Variants in CELF2 observed in about 807,000 individuals in gnomAD.
CELF2 encodes CUGBP Elav-like family member 2.
In CELF2, 8 loss-of-function variants were observed where a neutral mutation model predicts 62.6. That is an observed-to-expected ratio of 0.13 (90% CI 0.07 to 0.23). CELF2 has a LOEUF of 0.23. Among genes scored for constraint, CELF2 ranks in the 10% least tolerant of loss-of-function variants. CELF2 has a pLI of 1.00. For missense variants in CELF2, 333 were observed against 671.0 expected, an observed-to-expected ratio of 0.50 and a Z score of 5.56; for synonymous variants, 258 against 250.0, an observed-to-expected ratio of 1.03 and a Z score of -0.30.
the CELF2 span, among the ~76,000 whole-genome samples, chr10:10,653,912 C>A: frequency 1.2e-4 from 19 of 152,010 alleles, no homozygotes; most frequent in East Asian, 1.9e-3. Context: ...CCCTTCAAAA[C>A]ATCAATGAAT....
At chr10:11,108,084 TCCTCTCCCCACTCCCTC>T (rs200970480) in intron 1 of CELF2, among the ~76,000 whole-genome samples, 4,472 of 20,694 alleles carry the variant, frequency 0.22, 235 homozygotes, top group Admixed American at 0.26. Context: ...CCCACTCCCT[TCCTCTCCCCACTCCCTC>T]CCTCTCCCCA....
At chr10:10,469,630 G>T in the CELF2 span, among the ~76,000 whole-genome samples, 2 of 151,860 alleles carry the variant, frequency 1.3e-5, no homozygotes, top group Non-Finnish European at 2.9e-5. Flanking sequence ...TGTCTTTGGT[G>T]TGGCATTGGA....
At chr10:11,288,249 G>T (rs1007017787) in intron 8 of CELF2, among the ~76,000 whole-genome samples, 169 bp from the exon 9 acceptor site, 1 of 152,242 alleles carries the variant, frequency 6.6e-6, no homozygotes, top group African/African-American at 2.4e-5. Context: ...AAGGAGAGGT[G>T]GCCTTGGAGG....
intron 1 of CELF2, among the ~76,000 whole-genome samples, chr10:11,135,019 C>T (rs1483711118): frequency 6.6e-6 from 1 of 152,164 alleles, no homozygotes; most frequent in Non-Finnish European, 1.5e-5. Flanking sequence ...GTGTTTGCAC[C>T]TTCACAAAAT....
chr10:10,690,271 G>C, the CELF2 span, among the ~76,000 whole-genome samples: 1,286 of 152,198 alleles, frequency 8.4e-3, 7 homozygotes, highest in African/African-American at 0.011. Flanking sequence ...GTGTTACCCT[G>C]TAGCATACGA....
chr10:11,010,262 A>T lies in CELF2; in HGVS notation c.53+4822A>T, dbSNP rs904714343. ...TTTGATAAAAACGAATGGAGACCCC[A>T]TTCCAAGCCTCAGGATGTTCGGTGC... On this transcript the variant is annotated intron_variant, in intron 1 of 12. Coordinates refer to the CELF2 transcript ENST00000416382. This position sits in a 1 kb window ranked among gnomAD's most constrained non-coding sequence, Gnocchi z 4.1. 1 of 152,208 alleles carries T rather than the reference A, an allele frequency of 6.6e-6. No individual in the cohort carries two copies. Among genetic ancestry groups the T allele is most frequent in the African/African-American group, 2.4e-5 (1 of 41,446 alleles). The allele number at this position is 152,208 out of a possible 1,614,324, so 9.4% of individuals were successfully genotyped here.
intron 2 of CELF2, among the ~76,000 whole-genome samples, chr10:10,964,086 G>A (rs1192419918): frequency 6.6e-6 from 1 of 152,116 alleles, no homozygotes; most frequent in Admixed American, 6.5e-5. Flanking sequence ...TATAAAGCAT[G>A]GTCAATTAAA....
chr10:10,660,636 TA>T, the CELF2 span, among the ~76,000 whole-genome samples: 1 of 152,246 alleles, frequency 6.6e-6, no homozygotes, highest in Non-Finnish European at 1.5e-5. Flanking sequence ...AGACAGCATT[TA>T]TTTTTTTCTT....
intron 2 of CELF2, among the ~76,000 whole-genome samples, chr10:11,179,440 G>T (rs1384170540): frequency 6.6e-6 from 1 of 152,182 alleles, no homozygotes; most frequent in Non-Finnish European, 1.5e-5. Flanking sequence ...AAATTTGCGT[G>T]CCTAGCTCGG....
At chr10:11,180,872 T>C (rs1162190970) in intron 2 of CELF2, among the ~76,000 whole-genome samples, 2 of 152,038 alleles carry the variant, frequency 1.3e-5, no homozygotes, top group East Asian at 3.9e-4. Flanking sequence ...AATGAGTTTA[T>C]TTATTTATTT....
At chr10:10,544,807 G>T in the CELF2 span, among the ~76,000 whole-genome samples, 1 of 152,188 alleles carries the variant, frequency 6.6e-6, no homozygotes, top group Non-Finnish European at 1.5e-5. Flanking sequence ...GTAAGGGATT[G>T]CTCACTGACA....
At position 11,318,339 on chromosome 10, in the gene CELF2, G is replaced by A. The variant is rs559765184; in HGVS notation, c.1097-2850G>A. 6.2e-5 allele frequency: 11 copies of A among 177,880 alleles called. No individual in the cohort carries two copies. The East Asian group carries it at 1.3e-3, about 21-fold the overall frequency. 11.0% of individuals were successfully genotyped at this position (177,880 alleles called of 1,614,324 possible). On this transcript the variant is annotated intron_variant, in intron 10 of 12. Coordinates refer to ENST00000633077, the MANE Select transcript of CELF2 (RefSeq NM_001326342.2). This position sits in a 1 kb window ranked among gnomAD's most constrained non-coding sequence, Gnocchi z 5.4. Reference sequence around the variant, plus strand: ...TGGATGTTTATACCATGGAGGTGGCGAGCCCCTGGCTGGAGAGGCCAAACC... The same window carrying A: ...TGGATGTTTATACCATGGAGGTGGCAAGCCCCTGGCTGGAGAGGCCAAACC...
intron 2 of CELF2, among the ~76,000 whole-genome samples, chr10:11,206,247 A>T (rs2060403647): frequency 6.6e-6 from 1 of 152,176 alleles, no homozygotes; most frequent in Non-Finnish European, 1.5e-5. Flanking sequence ...GACTTGAGAG[A>T]TCGGCCTGGC....
intron 1 of CELF2, among the ~76,000 whole-genome samples, chr10:10,848,895 C>T (rs1303704387): frequency 6.6e-6 from 1 of 152,070 alleles, no homozygotes; most frequent in Non-Finnish European, 1.5e-5. Flanking sequence ...GAACACCTCC[C>T]TTCTAAAGCC....
At chr10:10,982,517 T>TAG (rs2052264709) in intron 2 of CELF2, among the ~76,000 whole-genome samples, 1 of 152,094 alleles carries the variant, frequency 6.6e-6, no homozygotes, top group Admixed American at 6.6e-5. Context: ...AGCACCTGGG[T>TAG]CCCAGCCCAG....
chr10:10,854,409 C>A (rs2059581096), intron 1 of CELF2, among the ~76,000 whole-genome samples: 1 of 152,150 alleles, frequency 6.6e-6, no homozygotes, highest in Non-Finnish European at 1.5e-5. Flanking sequence ...ACAAATGGCT[C>A]CTTCTGAATG....
Position 11,145,518 on chromosome 10 carries a change from A to AT in CELF2, c.75-19966dup, listed in dbSNP as rs1297987535. 2.0e-5 allele frequency among the ~76,000 whole-genome samples: 3 copies of AT among 152,248 alleles called. No individual in the cohort carries two copies. The highest frequency in any genetic ancestry group is 4.4e-5 in the Non-Finnish European group (3 of 68,044). On this transcript the variant is annotated intron_variant, in intron 1 of 12. Transcript: ENST00000633077. The surrounding 1 kb of genome is among the most constrained non-coding windows in gnomAD (Gnocchi z 4.3). ...CAGAACCAGTTGGTGGGGTGGAGAT[A>AT]TTAAAGGATAGAATTTTTCTGGGAA...
At chr10:10,621,714 A>T in the CELF2 span, among the ~76,000 whole-genome samples, 1 of 152,216 alleles carries the variant, frequency 6.6e-6, no homozygotes, top group Non-Finnish European at 1.5e-5. Flanking sequence ...CTCTGCCAAT[A>T]ATCTGAAGAA....
chr10:10,809,305 C>T lies in CELF2; in HGVS notation c.53+10488C>T, dbSNP rs181133608. ...ATTAGAACCATGCTGGGACTTTGATCTCAGACTTCTAGCTTCCAGAATTGT... is the reference window on the plus strand; with the variant it reads ...ATTAGAACCATGCTGGGACTTTGATTTCAGACTTCTAGCTTCCAGAATTGT... On this transcript the variant is annotated intron_variant, in intron 1 of 13. Transcript: ENST00000636488. 4.2e-3 allele frequency among the ~76,000 whole-genome samples: 635 copies of T among 152,342 alleles called. 4 individuals carry two copies. The highest frequency in any genetic ancestry group is 0.015 in the African/African-American group (608 of 41,582).
Sources: gnomAD v4.1 joint callset for allele counts (sites outside exome capture counted in the v4.1 genomes callset) on GRCh38, gnomAD v4.1.1 for gene constraint, Gnocchi (gnomAD v3.1) non-coding constraint, MANE v1.5 for transcripts, NCBI Gene and HGNC (gene_info 2026-07-23, HGNC 2026-07-21) for gene names.